The following CGN variants were observed in gnomAD, a reference collection of about 807,000 sequenced individuals.
The protein encoded by CGN is cingulin.
Under a neutral mutation model 157.1 loss-of-function variants are expected in CGN, and 121 were observed. That is an observed-to-expected ratio of 0.77 (90% CI 0.66 to 0.90). CGN has a LOEUF of 0.90. Among genes scored for constraint, CGN ranks in the 40% least tolerant of loss-of-function variants. The pLI is 0.00. For synonymous variants in CGN, 535 were observed against 607.5 expected, an observed-to-expected ratio of 0.88 and a Z score of 1.76; for missense variants, 1,424 against 1,520.9, an observed-to-expected ratio of 0.94 and a Z score of 1.06.
In CGN at chr1:151,537,318, A is replaced by C. The variant is rs1416743785; in HGVS notation, c.3584A>C (p.Glu1195Ala). Residue 1195 changes from glutamate (E) to alanine (A), a missense_variant, in exon 21 of 21, where the codon GAG becomes GCG. Coordinates refer to ENST00000271636, the MANE Select transcript of CGN (RefSeq NM_020770.3). ...DPSSIASLLTESNLQTSSC is the reference protein window; with the variant it reads ...DPSSIASLLTASNLQTSSC ...TCGTCCATTGCATCACTGCTTACGG[A>C]GAGCAACCTACAGACCAGCTCCTGT... 2 of 1,613,968 alleles carry C rather than the reference A, an allele frequency of 1.2e-6. No individual in the cohort carries two copies. Among genetic ancestry groups the C allele is most frequent in the East Asian group, 4.5e-5 (2 of 44,878 alleles).
At chr1:151,519,429 C>A (rs1664491594) in intron 2 of CGN, 37 bp downstream of exon 2, 3 of 1,514,090 alleles carry the variant, frequency 2.0e-6, no homozygotes, top group African/African-American at 2.8e-5. Context: ...TAAATGTCAG[C>A]CCCTTCTCCC....
intron 16 of CGN, 33 bp downstream of exon 16, chr1:151,535,164 C>T (rs2102503941): frequency 8.0e-6 from 12 of 1,502,376 alleles, no homozygotes; most frequent in Non-Finnish European, 1.1e-5. Context: ...TCTGTTTACC[C>T]CTGACTGCAT....
intron 10 of CGN, 26 bp downstream of exon 10, chr1:151,527,133 G>C (rs1664701875): frequency 6.2e-7 from 1 of 1,613,470 alleles, no homozygotes; most frequent in Non-Finnish European, 8.5e-7. Flanking sequence ...GGGGCAGAAT[G>C]GTAGGTAGGG....
chr1:151,519,804 T>G (rs374651934), intron 2 of CGN, among the ~76,000 whole-genome samples: 4 of 152,264 alleles, frequency 2.6e-5, no homozygotes, highest in Non-Finnish European at 5.9e-5. Flanking sequence ...GGAGTGACTT[T>G]ACTTTGAGAG....
chr1:151,529,795 T>G (rs1042320751), intron 11 of CGN, 114 bp from the exon 12 acceptor site: 1 of 1,025,282 alleles, frequency 9.8e-7, no homozygotes, highest in African/African-American at 1.6e-5. Context: ...TAAGCCTCAT[T>G]CTTATGGGCT....
intron 13 of CGN, 54 bp downstream of exon 13, chr1:151,530,800 C>T: frequency 6.5e-7 from 1 of 1,542,956 alleles, no homozygotes; most frequent in South Asian, 1.2e-5. Flanking sequence ...CATCCAGAAG[C>T]TGGCCTGAGA....
intron 1 of CGN, among the ~76,000 whole-genome samples, chr1:151,513,604 C>T (rs1200683303): frequency 1.3e-5 from 2 of 152,222 alleles, no homozygotes; most frequent in African/African-American, 2.4e-5. Context: ...TTGCCTGGCC[C>T]TATGTGAATC....
Position 151,523,567 on chromosome 1 carries a change from T to C in CGN, c.1268+6T>C, listed in dbSNP as rs1664592635. 1.9e-6 allele frequency: 3 copies of C among 1,600,084 alleles called. No individual in the cohort carries two copies. Among genetic ancestry groups the C allele is most frequent in the Admixed American group, 1.7e-5 (1 of 57,288 alleles). On this transcript the variant is annotated splice_donor_region_variant and intron_variant, in intron 6 of 20. Coordinates refer to ENST00000271636, the MANE Select transcript of CGN (RefSeq NM_020770.3). ...GCCCAGCAGAGCAACAAGGAGTGAG[T>C]GCAGCTGGTGGCGCACCTCGGGCTG...
chr1:151,524,947 G>C lies in CGN; in HGVS notation c.1614+61G>C, dbSNP rs567702131. 7.3e-5 allele frequency: 105 copies of C among 1,440,260 alleles called. No homozygotes were observed. In the African/African-American group the frequency reaches 1.4e-3, roughly 19 times the overall value. 89.2% of individuals were successfully genotyped at this position (1,440,260 alleles called of 1,614,324 possible). A position where few individuals can be genotyped will look rare whatever the true frequency, so the allele number is the denominator to read the frequency against. On this transcript the variant is annotated intron_variant, in intron 8 of 20. Transcript: ENST00000271636. This position sits in a 1 kb window ranked among gnomAD's most constrained non-coding sequence, Gnocchi z 4.4. ...ACTGCTGGAGAACAAGGCTGCCTTG[G>C]GATCTTGGACTTTTGGACTTTTCAT...
chr1:151,532,381 A>AC, intron 13 of CGN, 21 bp from the exon 14 acceptor site: 1 of 1,534,026 alleles, frequency 6.5e-7, no homozygotes, highest in Non-Finnish European at 8.7e-7. Context: ...AGTGCTGAAG[A>AC]CCCTTTTCTC....
At chr1:151,532,908 T>C (rs1488019700) in intron 14 of CGN, among the ~76,000 whole-genome samples, 1 of 152,096 alleles carries the variant, frequency 6.6e-6, no homozygotes, top group Non-Finnish European at 1.5e-5. Flanking sequence ...CATGAGCCAC[T>C]GCGCCCAGCC....
intron 10 of CGN, 64 bp from the exon 11 acceptor site, chr1:151,529,286 T>C: frequency 7.2e-7 from 1 of 1,391,226 alleles, no homozygotes; most frequent in Non-Finnish European, 1.0e-6. Flanking sequence ...AGTTTCAGCT[T>C]CTCCACATTC....
intron 20 of CGN, 121 bp downstream of exon 20, chr1:151,537,014 G>A: frequency 2.4e-6 from 3 of 1,257,578 alleles, no homozygotes; most frequent in Non-Finnish European, 2.2e-6. Context: ...CTTGTTTCTG[G>A]TTGGAAGCCA....
chr1:151,528,922 C>G (rs1264229542), intron 10 of CGN, among the ~76,000 whole-genome samples: 6 of 152,136 alleles, frequency 3.9e-5, no homozygotes, highest in African/African-American at 9.7e-5. Flanking sequence ...AAGGGTCTGG[C>G]TTCTTTCACC....
intron 5 of CGN, among the ~76,000 whole-genome samples, chr1:151,522,306 C>T (rs1391498363): frequency 6.6e-6 from 1 of 151,948 alleles, no homozygotes; most frequent in Non-Finnish European, 1.5e-5. Context: ...CAAACAAAAC[C>T]AGTTTAATGA....
intron 10 of CGN, chr1:151,527,808 TACACACACACAC>T (rs141985486): frequency 3.8e-5 from 6 of 155,964 alleles, no homozygotes; most frequent in South Asian, 1.6e-4. Flanking sequence ...TTTGGTTTTA[TACACACACACAC>T]ACACACACAC....
Position 151,537,316 on chromosome 1 carries a change from G to A in CGN, c.3582G>A (p.Thr1194=), listed in dbSNP as rs758924791. The A allele has an allele frequency of 3.1e-6, 5 of 1,614,016 alleles. No individual in the cohort carries two copies. Among genetic ancestry groups the A allele is most frequent in the Non-Finnish European group, 4.2e-6 (5 of 1,179,982 alleles). ...YDPSSIASLL[T]ESNLQTSSC ...CCTCGTCCATTGCATCACTGCTTAC[G>A]GAGAGCAACCTACAGACCAGCTCCT... The change falls in exon 21 of 21, where the codon ACG becomes ACA. Residue 1194 remains threonine, a synonymous_variant. Coordinates refer to ENST00000271636, the MANE Select transcript of CGN (RefSeq NM_020770.3).
intron 11 of CGN, 111 bp from the exon 12 acceptor site, chr1:151,529,796 CTT>C: frequency 9.6e-7 from 1 of 1,039,422 alleles, no homozygotes; most frequent in African/African-American, 1.6e-5. Context: ...AAGCCTCATT[CTT>C]ATGGGCTGTC....
intron 5 of CGN, among the ~76,000 whole-genome samples, chr1:151,521,361 T>C (rs1322862087): frequency 6.6e-6 from 1 of 152,268 alleles, no homozygotes; most frequent in East Asian, 1.9e-4. Context: ...ATTAAGTGAT[T>C]GGCTGTGGAG....
Sources: allele counts gnomAD v4.1 joint callset (sites outside exome capture counted in the v4.1 genomes callset), GRCh38; gene constraint gnomAD v4.1.1; non-coding constraint Gnocchi (gnomAD v3.1); transcripts MANE v1.5; gene names NCBI Gene and HGNC (gene_info 2026-07-23, HGNC 2026-07-21).